CAB39: variants seen among roughly 807,000 people sequenced by gnomAD.
CAB39 encodes calcium-binding protein 39.
A neutral mutation model predicts 40.0 loss-of-function variants in CAB39; 8 were observed. The ratio of observed to expected loss-of-function variants is 0.20; its 90% CI spans 0.12 to 0.36. CAB39 has a LOEUF of 0.36. Among genes scored for constraint, CAB39 ranks in the 10% least tolerant of loss-of-function variants. The pLI is 1.00. For synonymous variants in CAB39, 156 were observed against 141.6 expected, an observed-to-expected ratio of 1.10 and a Z score of -0.72; for missense variants, 270 against 401.1, an observed-to-expected ratio of 0.67 and a Z score of 2.79.
At chr2:230,774,201 T>C (rs1008299525) in intron 2 of CAB39, among the ~76,000 whole-genome samples, 4 of 152,196 alleles carry the variant, frequency 2.6e-5, no homozygotes, top group African/African-American at 7.2e-5. Context: ...ACTTTATTCA[T>C]TATGTCCCTG....
chr2:230,789,226 T>G (rs1158412122), intron 2 of CAB39, among the ~76,000 whole-genome samples: 2 of 150,078 alleles, frequency 1.3e-5, no homozygotes, highest in Admixed American at 6.6e-5. Flanking sequence ...CATTCAGGTG[T>G]TTTTTTATGC....
rs869270714 is a variant in CAB39, at chr2:230,748,834, AT to A, written c.-43-11124del. Among the ~76,000 whole-genome samples the A allele has an allele frequency of 6.1e-3, 330 of 53,886 alleles. 1 individual carries two copies. The highest frequency in any genetic ancestry group is 0.026 in the African/African-American group (164 of 6,214). 35.4% of individuals were successfully genotyped at this position (53,886 alleles called of 152,430 possible). A position where few individuals can be genotyped will look rare whatever the true frequency, so the allele number is the denominator to read the frequency against. ...AAAAGAAAAAAAAAAAAAAAAAAAT[AT>A]ATATATATATATATATATATATATA... On this transcript the variant is annotated intron_variant, in intron 1 of 8. Transcript: ENST00000258418.
chr2:230,810,238 AAAC>A (rs748295179), intron 5 of CAB39, 22 bp from the exon 6 acceptor site: 16 of 1,209,640 alleles, frequency 1.3e-5, no homozygotes, highest in Admixed American at 4.7e-5. Flanking sequence ...GAACAACTGT[AAAC>A]AATTTTTTTT....
chr2:230,754,161 T>A (rs1047443474), intron 1 of CAB39, among the ~76,000 whole-genome samples: 7 of 152,154 alleles, frequency 4.6e-5, no homozygotes, highest in South Asian at 2.1e-4. Flanking sequence ...TATTTTAAAA[T>A]TTTTTTCCCA....
At chr2:230,788,848 C>G (rs982879712) in intron 2 of CAB39, among the ~76,000 whole-genome samples, 2 of 152,070 alleles carry the variant, frequency 1.3e-5, no homozygotes, top group African/African-American at 4.8e-5. Flanking sequence ...TGAATTTAAG[C>G]AATTTGATTA....
intron 1 of CAB39, among the ~76,000 whole-genome samples, chr2:230,741,639 G>A (rs1215142634): frequency 6.6e-6 from 1 of 152,084 alleles, no homozygotes; most frequent in South Asian, 2.1e-4. Flanking sequence ...CCAACTCTAG[G>A]AATGGGAATT....
chr2:230,796,048 G>C (rs56201648), intron 4 of CAB39, among the ~76,000 whole-genome samples: 54,722 of 151,972 alleles, frequency 0.36, 13,663 homozygotes, highest in African/African-American at 0.71. Context: ...CTTCTGTGTT[G>C]TTTTGGCAAG....
intron 2 of CAB39, among the ~76,000 whole-genome samples, chr2:230,761,418 G>T (rs1322139260): frequency 6.6e-6 from 1 of 152,122 alleles, no homozygotes; most frequent in East Asian, 1.9e-4. Context: ...ATACCAGGCT[G>T]GAGTGTGATG....
At chr2:230,774,280 CTTTA>C (rs952541463) in intron 2 of CAB39, among the ~76,000 whole-genome samples, 12 of 151,866 alleles carry the variant, frequency 7.9e-5, no homozygotes, top group African/African-American at 2.9e-4. Context: ...GTGTTTATTC[CTTTA>C]TTTGTTATAT....
chr2:230,731,750 C>A (rs1461022451), intron 1 of CAB39, among the ~76,000 whole-genome samples: 1 of 152,184 alleles, frequency 6.6e-6, no homozygotes, highest in Admixed American at 6.5e-5. Context: ...CCTGCCTAGG[C>A]CTCCCAAAGT....
chr2:230,813,065 G>A (rs1377137322), intron 6 of CAB39, among the ~76,000 whole-genome samples: 2 of 152,100 alleles, frequency 1.3e-5, no homozygotes, highest in African/African-American at 4.8e-5. Flanking sequence ...CGGCACTCGC[G>A]ATGACCAAAG....
chr2:230,784,818 C>G (rs568252452), intron 2 of CAB39, among the ~76,000 whole-genome samples: 2 of 152,312 alleles, frequency 1.3e-5, no homozygotes, highest in Admixed American at 1.3e-4. Context: ...CAATAGTTGT[C>G]TGGCCACGAG....
At chr2:230,757,221 A>G (rs985763746) in intron 1 of CAB39, among the ~76,000 whole-genome samples, 3 of 152,138 alleles carry the variant, frequency 2.0e-5, no homozygotes, top group Non-Finnish European at 4.4e-5. Flanking sequence ...CCTTCCAAGT[A>G]GCTGGCTGGG....
chr2:230,753,348 A>G (rs1409744719), intron 1 of CAB39, among the ~76,000 whole-genome samples: 3 of 152,232 alleles, frequency 2.0e-5, no homozygotes, highest in African/African-American at 7.2e-5. Context: ...GCCTGTCCCC[A>G]TAGCAGGTAC....
intron 7 of CAB39, among the ~76,000 whole-genome samples, chr2:230,815,982 T>G (rs926522552): frequency 6.6e-6 from 1 of 152,240 alleles, no homozygotes; most frequent in Non-Finnish European, 1.5e-5. Context: ...AGTAAAGTAT[T>G]ACATGTTTGG....
At chr2:230,811,560 T>A (rs1252483420) in intron 6 of CAB39, among the ~76,000 whole-genome samples, 3 of 152,200 alleles carry the variant, frequency 2.0e-5, no homozygotes, top group Non-Finnish European at 4.4e-5. Flanking sequence ...ACTGCCTGGA[T>A]TCTGGCTGCA....
chr2:230,777,755 C>T (rs1473511480), intron 2 of CAB39, among the ~76,000 whole-genome samples: 3 of 152,094 alleles, frequency 2.0e-5, no homozygotes, highest in East Asian at 3.8e-4. Flanking sequence ...TTTATGGGTA[C>T]GTAATGATTA....
chr2:230,797,775 G>T (rs908804620), intron 4 of CAB39, among the ~76,000 whole-genome samples: 1 of 152,142 alleles, frequency 6.6e-6, no homozygotes, highest in African/African-American at 2.4e-5. Context: ...ATAGAAAGGA[G>T]AACATGAAAG....
intron 1 of CAB39, among the ~76,000 whole-genome samples, chr2:230,717,735 G>C (rs1322755436): frequency 2.0e-5 from 3 of 152,174 alleles, no homozygotes; most frequent in Non-Finnish European, 4.4e-5. Flanking sequence ...TTTTTGGGGG[G>C]TGTTGTGCCA....
Sources: gnomAD v4.1 joint callset for allele counts (sites outside exome capture counted in the v4.1 genomes callset) on GRCh38, gnomAD v4.1.1 for gene constraint, MANE v1.5 for transcripts, NCBI Gene and HGNC (gene_info 2026-07-23, HGNC 2026-07-21) for gene names.